PIK3C3: variants seen among roughly 807,000 people sequenced by gnomAD.
PIK3C3 encodes the protein phosphatidylinositol 3-kinase catalytic subunit type 3.
A neutral mutation model predicts 126.1 loss-of-function variants in PIK3C3; 95 were observed. The ratio of observed to expected loss-of-function variants is 0.75; its 90% confidence interval spans 0.64 to 0.89. PIK3C3 has a LOEUF of 0.89. Among genes scored for constraint, PIK3C3 ranks in the 40% least tolerant of loss-of-function variants. The pLI is 0.00. For missense variants in PIK3C3, 829 were observed against 1,063.2 expected (o/e 0.78, Z 3.06); for synonymous variants, 374 against 360.0 (o/e 1.04, Z -0.44).
intron 4 of PIK3C3, among the ~76,000 whole-genome samples, chr18:41,986,014 A>G (rs1225236745): frequency 6.6e-6 from 1 of 152,144 alleles, no homozygotes; most frequent in Non-Finnish European, 1.5e-5. Context: ...TGTATCATAA[A>G]TACAAAACTA....
chr18:42,029,415 C>A lies in PIK3C3; in HGVS notation c.1681C>A (p.Arg561Ser). The A allele has an allele frequency of 6.2e-7, 1 of 1,610,486 alleles. No homozygotes were observed. The highest frequency in any genetic ancestry group is 8.5e-7 in the Non-Finnish European group (1 of 1,177,076). The change falls in exon 15 of 25, where the codon CGC (arginine) becomes AGC (serine). Residue 561 changes from arginine (R) to serine (S), a missense_variant. Physicochemically the swap from Arg to Ser is moderately radical, Grantham distance 110. Transcript: ENST00000262039. ...RLVHLMKAVQ[R>S]ESGNRKKKNE... ...GGTGCATCTAATGAAGGCAGTACAA[C>A]GCGAAAGTGGAAATCGTAAGAAAAA... is the stretch of plus-strand genomic sequence containing the variant.
chr18:42,044,251 A>G (rs905123331), intron 20 of PIK3C3, among the ~76,000 whole-genome samples: 17 of 152,188 alleles, frequency 1.1e-4, no homozygotes, highest in African/African-American at 4.1e-4. Flanking sequence ...CTTATGGTCC[A>G]TTCCTAGAAA....
chr18:41,982,434 A>G (rs1981253763), intron 4 of PIK3C3, among the ~76,000 whole-genome samples: 1 of 152,186 alleles, frequency 6.6e-6, no homozygotes. Context: ...ATTTTATTTC[A>G]GGTGGTTAAG....
At chr18:42,054,171 T>G (rs1232623951) in intron 21 of PIK3C3, among the ~76,000 whole-genome samples, 1 of 66,752 alleles carries the variant, frequency 1.5e-5, no homozygotes, top group Non-Finnish European at 2.9e-5. Context: ...TATATATATA[T>G]ATATATATAT....
intron 9 of PIK3C3, among the ~76,000 whole-genome samples, chr18:42,002,521 A>G (rs1198645132): frequency 6.6e-6 from 1 of 152,222 alleles, no homozygotes; most frequent in Non-Finnish European, 1.5e-5. Context: ...CTAACCAATT[A>G]GAAAAAGCAA....
intron 15 of PIK3C3, among the ~76,000 whole-genome samples, chr18:42,032,624 TTTTATTTATTTATTTATTTA>T (rs139558444): frequency 2.8e-4 from 41 of 144,012 alleles, no homozygotes; most frequent in South Asian, 2.2e-4. Context: ...TTTCTGGTTA[TTTTATTTATTTATTTATTTA>T]TTTATTTATT....
At position 42,064,739 on chromosome 18, in the gene PIK3C3, G is replaced by T. The variant is rs2144516862; in HGVS notation, c.2433-1G>T. On this transcript the variant is annotated splice_acceptor_variant, in intron 22 of 24. Coordinates refer to ENST00000262039, the MANE Select transcript of PIK3C3 (RefSeq NM_002647.4). LOFTEE classifies it high-confidence loss of function. ...TTTTTTTCTTTTCTGCTCTTCTTTA[G>T]GTATTCTAATCTGATTTTGAACTTG... is the stretch of plus-strand genomic sequence containing the variant. 1 of 1,500,778 alleles carries T rather than the reference G, an allele frequency of 6.7e-7. No individual in the cohort carries two copies. The highest frequency in any genetic ancestry group is 1.1e-5 in the South Asian group (1 of 87,940). 93.0% of individuals were successfully genotyped at this position (1,500,778 alleles called of 1,614,324 possible). A position where few individuals can be genotyped will look rare whatever the true frequency, so the allele number is the denominator to read the frequency against.
Position 42,082,978 on chromosome 18 carries a change from A to C in PIK3C3, c.*1841A>C, listed in dbSNP as rs1278428517. 1.3e-5 allele frequency: 2 copies of C among 152,330 alleles called. No homozygotes were observed. The highest frequency in any genetic ancestry group is 4.8e-5 in the African/African-American group (2 of 41,574). The allele number at this position is 152,330 out of a possible 1,614,324, so 9.4% of individuals were successfully genotyped here. On this transcript the variant is annotated 3_prime_UTR_variant, in exon 25 of 25. Coordinates refer to ENST00000262039, the MANE Select transcript of PIK3C3 (RefSeq NM_002647.4). The stretch of plus-strand genomic sequence containing the variant: ...ACTAGTAAGGAAGTTGATCATGAGT[A>C]ACTTTGTATTCAGTGCCACCTTAAC...
intron 16 of PIK3C3, among the ~76,000 whole-genome samples, chr18:42,035,998 A>T (rs761738273): frequency 7.9e-5 from 12 of 152,180 alleles, no homozygotes; most frequent in Non-Finnish European, 1.8e-4. Flanking sequence ...ATTAGATGAA[A>T]TCGTATTGAA....
rs1444028491 is a variant in PIK3C3, at chr18:42,085,216, C to G, written c.*4079C>G. Reference sequence around the variant, plus strand: ...TTTTGTTCAGTGCTATGGGCTGGTACATTGCATTTCAACACTAGTTTTTTA... The same window carrying G: ...TTTTGTTCAGTGCTATGGGCTGGTAGATTGCATTTCAACACTAGTTTTTTA... On this transcript the variant is annotated 3_prime_UTR_variant, in exon 25 of 25. Coordinates refer to ENST00000262039, the MANE Select transcript of PIK3C3 (RefSeq NM_002647.4). The G allele has an allele frequency of 6.6e-6, 1 of 152,100 alleles. No homozygotes were observed. The highest frequency in any genetic ancestry group is 1.9e-4 in the East Asian group (1 of 5,194). 9.4% of individuals were successfully genotyped at this position (152,100 alleles called of 1,614,324 possible).
At chr18:41,983,471 T>C (rs1981309557) in intron 4 of PIK3C3, among the ~76,000 whole-genome samples, 1 of 152,170 alleles carries the variant, frequency 6.6e-6, no homozygotes, top group Admixed American at 6.5e-5. Flanking sequence ...TTTTCCATTA[T>C]GTCTGTCACC....
intron 12 of PIK3C3, 103 bp downstream of exon 12, chr18:42,015,669 A>G: frequency 1.3e-6 from 1 of 781,908 alleles, no homozygotes. Flanking sequence ...ACTAAATATT[A>G]CAACTTTATT....
chr18:42,013,695 G>A lies in PIK3C3; in HGVS notation c.1325+99G>A, dbSNP rs146318253. Reference sequence around the variant, plus strand: ...TTCCTTAGATGTACCAAATGCTAGTGTTACTAATTTTGAAGTTTTACTAGT... The same window carrying A: ...TTCCTTAGATGTACCAAATGCTAGTATTACTAATTTTGAAGTTTTACTAGT... On this transcript the variant is annotated intron_variant, in intron 11 of 24. Coordinates refer to ENST00000262039, the MANE Select transcript of PIK3C3 (RefSeq NM_002647.4). The A allele has an allele frequency of 7.9e-6, 7 of 883,550 alleles. No individual in the cohort carries two copies. In the African/African-American group the frequency reaches 1.0e-4, roughly 13 times the overall value. The allele number at this position is 883,550 out of a possible 1,614,324, so 54.7% of individuals were successfully genotyped here.
At chr18:42,059,708 C>A (rs1363705023) in intron 22 of PIK3C3, 2 of 151,564 alleles carry the variant, frequency 1.3e-5, no homozygotes, top group Non-Finnish European at 2.9e-5. Flanking sequence ...TTAATGAAAA[C>A]TGTTTAACTT....
At chr18:42,064,228 C>T (rs189357194) in intron 22 of PIK3C3, among the ~76,000 whole-genome samples, 104 of 152,154 alleles carry the variant, frequency 6.8e-4, no homozygotes, top group African/African-American at 2.4e-3. Flanking sequence ...TACTTTTATC[C>T]AGGTCAGTCA....
chr18:42,070,062 C>T (rs934637164), intron 24 of PIK3C3, among the ~76,000 whole-genome samples: 2 of 152,120 alleles, frequency 1.3e-5, no homozygotes, highest in African/African-American at 4.8e-5. Flanking sequence ...CTCAATAGGT[C>T]TGGCACTTAG....
At chr18:42,050,441 G>A (rs1478915602) in intron 21 of PIK3C3, 2 of 152,148 alleles carry the variant, frequency 1.3e-5, no homozygotes, top group African/African-American at 4.8e-5. Context: ...ATATCGAACT[G>A]CTTACTTGAA....
intron 20 of PIK3C3, among the ~76,000 whole-genome samples, chr18:42,044,786 G>A (rs1212831082): frequency 6.6e-6 from 1 of 152,102 alleles, no homozygotes; most frequent in Non-Finnish European, 1.5e-5. Context: ...TAAAGGAGTT[G>A]ACACTAGAGT....
intron 22 of PIK3C3, 80 bp downstream of exon 22, chr18:42,058,131 G>C: frequency 9.4e-7 from 1 of 1,059,292 alleles, no homozygotes; most frequent in Non-Finnish European, 1.3e-6. Flanking sequence ...TTAAATGTAT[G>C]CATTCTTTAG....
Sources: gnomAD v4.1 joint callset for allele counts (sites outside exome capture counted in the v4.1 genomes callset) on GRCh38, gnomAD v4.1.1 for gene constraint, MANE v1.5 for transcripts, NCBI Gene and HGNC (gene_info 2026-07-23, HGNC 2026-07-21) for gene names.